ZFHX3: variants seen among roughly 807,000 people sequenced by gnomAD.
The protein encoded by ZFHX3 is zinc finger homeobox protein 3.
Under a neutral mutation model 279.1 loss-of-function variants are expected in ZFHX3, and 42 were observed. The observed-to-expected ratio is 0.15, with a 90% confidence interval of 0.12 to 0.19. The LOEUF is 0.19. Ranked by LOEUF, ZFHX3 falls within the 10% of genes least tolerant of loss-of-function variation. The pLI, the probability that ZFHX3 is intolerant of heterozygous loss-of-function variation, is 1.00. For missense variants in ZFHX3, 4,981 were observed against 4,754.0 expected (o/e 1.05, Z -1.40); for synonymous variants, 2,293 against 1,957.8 (o/e 1.17, Z -4.52).
chr16:73,771,533 G>A (rs1345822313), intron 1 of ZFHX3, among the ~76,000 whole-genome samples: 1 of 152,196 alleles, frequency 6.6e-6, no homozygotes, highest in East Asian at 1.9e-4. Flanking sequence ...GAAATACCAT[G>A]CTGAGGTCTT....
At chr16:73,227,766 T>C (rs1196275829) in intron 5 of ZFHX3, among the ~76,000 whole-genome samples, 5 of 148,024 alleles carry the variant, frequency 3.4e-5, no homozygotes, top group Non-Finnish European at 7.4e-5. Flanking sequence ...TGATAATCAT[T>C]TGAACCAGGG....
intron 2 of ZFHX3, among the ~76,000 whole-genome samples, chr16:73,468,760 A>G (rs1242434303): frequency 6.6e-6 from 1 of 152,154 alleles, no homozygotes; most frequent in Non-Finnish European, 1.5e-5. Context: ...AGGAGAAAAG[A>G]TTTGGGAGGA....
chr16:72,789,451 T>G, intron 9 of ZFHX3: 1 of 152,300 alleles, frequency 6.6e-6, no homozygotes, highest in Non-Finnish European at 1.5e-5. Context: ...ATCACAAAAA[T>G]AGTATGGCCA....
chr16:73,528,008 A>G (rs2019724517), intron 2 of ZFHX3, among the ~76,000 whole-genome samples: 1 of 152,208 alleles, frequency 6.6e-6, no homozygotes, highest in Non-Finnish European at 1.5e-5. Flanking sequence ...ATCAATAGAA[A>G]ACTAATACAC....
intron 5 of ZFHX3, among the ~76,000 whole-genome samples, chr16:73,229,441 C>T (rs111357804): frequency 0.011 from 1,635 of 152,248 alleles, 18 homozygotes; most frequent in African/African-American, 0.026. Context: ...CCTCAACTCC[C>T]ATCTGGATAT....
intron 1 of ZFHX3, among the ~76,000 whole-genome samples, chr16:73,039,679 C>T (rs1214070925): frequency 1.3e-5 from 2 of 152,152 alleles, no homozygotes; most frequent in African/African-American, 4.8e-5. Flanking sequence ...GGCCTGAGAT[C>T]CACCCAAGTA....
intron 3 of ZFHX3, among the ~76,000 whole-genome samples, chr16:73,399,758 G>C (rs2017208837): frequency 6.6e-6 from 1 of 151,998 alleles, no homozygotes; most frequent in African/African-American, 2.4e-5. Context: ...ATTTTCAGAA[G>C]ATGTAGCTGT....
intron 2 of ZFHX3, among the ~76,000 whole-genome samples, chr16:73,529,880 T>G (rs1262186363): frequency 6.6e-6 from 1 of 152,144 alleles, no homozygotes; most frequent in Non-Finnish European, 1.5e-5. Context: ...AGCAGAAATT[T>G]CTTAGAAAGT....
At chr16:73,183,989 C>G (rs553352583) in intron 5 of ZFHX3, among the ~76,000 whole-genome samples, 1 of 152,150 alleles carries the variant, frequency 6.6e-6, no homozygotes, top group African/African-American at 2.4e-5. Flanking sequence ...GCGCATGAAT[C>G]TGTAAAGAGC....
intron 5 of ZFHX3, among the ~76,000 whole-genome samples, chr16:73,155,187 A>AAC (rs1555501464): frequency 6.6e-6 from 1 of 151,682 alleles, no homozygotes; most frequent in African/African-American, 2.4e-5. Flanking sequence ...AAACAAAAAA[A>AAC]AAAAAAACAA....
At chr16:73,509,844 C>CA (rs1267056931) in intron 2 of ZFHX3, among the ~76,000 whole-genome samples, 2 of 152,082 alleles carry the variant, frequency 1.3e-5, no homozygotes, top group African/African-American at 4.8e-5. Context: ...CATAGGGACC[C>CA]ACCACCATGC....
At chr16:73,168,438 T>G (rs1161695168) in intron 5 of ZFHX3, among the ~76,000 whole-genome samples, 3 of 152,070 alleles carry the variant, frequency 2.0e-5, no homozygotes, top group Non-Finnish European at 4.4e-5. Flanking sequence ...TGTTTTGTTG[T>G]AGAAATGCAG....
At chr16:72,826,776 T>C (rs1027476337) in intron 5 of ZFHX3, among the ~76,000 whole-genome samples, 13 of 152,260 alleles carry the variant, frequency 8.5e-5, no homozygotes, top group African/African-American at 2.9e-4. Flanking sequence ...TCTCTCTGTC[T>C]TTTGGAAGTA....
intron 2 of ZFHX3, among the ~76,000 whole-genome samples, chr16:73,550,105 C>T (rs1025311191): frequency 3.3e-5 from 5 of 152,124 alleles, no homozygotes; most frequent in African/African-American, 1.2e-4. Flanking sequence ...GGGCATTGAT[C>T]AGCCCTGCTG....
At position 73,104,366 on chromosome 16, in the gene ZFHX3, G is replaced by C. The variant is rs558605989; in HGVS notation, c.-896-10768C>G. 2.2e-4 allele frequency among the ~76,000 whole-genome samples: 33 copies of C among 152,258 alleles called. No homozygotes were observed. The East Asian group carries it at 6.0e-3, about 28-fold the overall frequency. ...GTGCCTCAGCCTCCCGAGTAGCTGG[G>C]ATTACAGGTGCGCACCACCACGTCC... is the stretch of plus-strand genomic sequence containing the variant. On this transcript the variant is annotated intron_variant, in intron 7 of 17. Coordinates refer to the ZFHX3 transcript ENST00000641206.
At chr16:73,231,427 C>T (rs568402618) in intron 5 of ZFHX3, among the ~76,000 whole-genome samples, 2 of 152,300 alleles carry the variant, frequency 1.3e-5, no homozygotes, top group East Asian at 1.9e-4. Flanking sequence ...AAAAAGACCA[C>T]GTTTAAAACC....
intron 1 of ZFHX3, among the ~76,000 whole-genome samples, chr16:73,736,778 T>C (rs573085781): frequency 1.8e-4 from 27 of 152,328 alleles, no homozygotes; most frequent in Admixed American, 3.9e-4. Context: ...GGATGCATTC[T>C]GGCACAATGG....
intron 3 of ZFHX3, among the ~76,000 whole-genome samples, chr16:73,384,529 C>T (rs2016866746): frequency 6.6e-6 from 1 of 152,196 alleles, no homozygotes; most frequent in Non-Finnish European, 1.5e-5. Flanking sequence ...GTATGATGAA[C>T]CATTAAACAT....
upstream of ZFHX3, chr16:73,048,381 G>C (rs1168853223): frequency 6.6e-6 from 1 of 151,604 alleles, no homozygotes; most frequent in Non-Finnish European, 1.5e-5. Context: ...CGCGGGACCC[G>C]GGCGCTCAGC....
Sources: allele counts gnomAD v4.1 joint callset (sites outside exome capture counted in the v4.1 genomes callset), GRCh38; gene constraint gnomAD v4.1.1; transcripts MANE v1.5; gene names NCBI Gene and HGNC (gene_info 2026-07-23, HGNC 2026-07-21).